NRXN3: variants seen among roughly 807,000 people sequenced by gnomAD.
NRXN3 encodes neurexin III.
Under a neutral mutation model 137.6 loss-of-function variants are expected in NRXN3, and 32 were observed. The ratio of observed to expected loss-of-function variants is 0.23; its 90% CI spans 0.18 to 0.31. NRXN3 has a LOEUF of 0.31. Ranked by LOEUF, NRXN3 falls within the 10% of genes least tolerant of loss-of-function variation. NRXN3 has a pLI of 1.00. For synonymous variants in NRXN3, 798 were observed against 784.5 expected, an observed-to-expected ratio of 1.02 and a Z score of -0.29; for missense variants, 1,574 against 2,062.5, an observed-to-expected ratio of 0.76 and a Z score of 4.59.
intron 8 of NRXN3, among the ~76,000 whole-genome samples, chr14:78,765,277 C>A (rs917234577): frequency 7.9e-5 from 12 of 152,262 alleles, no homozygotes; most frequent in African/African-American, 2.9e-4. Context: ...TGTCAGCCTC[C>A]TGAGTAGCTA....
chr14:78,524,322 A>T (rs2096341325), intron 4 of NRXN3, among the ~76,000 whole-genome samples: 1 of 152,214 alleles, frequency 6.6e-6, no homozygotes, highest in Non-Finnish European at 1.5e-5. Context: ...GATCCGCTGG[A>T]GGAAAGTGCT....
intron 15 of NRXN3, among the ~76,000 whole-genome samples, chr14:79,158,218 C>T (rs1219471585): frequency 2.0e-5 from 3 of 151,774 alleles, no homozygotes. Flanking sequence ...AAAATCAAAA[C>T]CAATGTTCAC....
chr14:78,234,666 T>C (rs1290212812), intron 1 of NRXN3, among the ~76,000 whole-genome samples: 1 of 152,222 alleles, frequency 6.6e-6, no homozygotes, highest in East Asian at 1.9e-4. Flanking sequence ...AGTCTGCTTC[T>C]CACATTTGGT....
chr14:78,207,700 C>T (rs1201533592), intron 1 of NRXN3, among the ~76,000 whole-genome samples: 1 of 152,200 alleles, frequency 6.6e-6, no homozygotes, highest in Admixed American at 6.5e-5. Context: ...CCCTCTTTCC[C>T]CACCACGTTA....
chr14:78,413,378 T>A (rs185265293), intron 4 of NRXN3, among the ~76,000 whole-genome samples: 1 of 152,294 alleles, frequency 6.6e-6, no homozygotes, highest in Admixed American at 6.5e-5. Flanking sequence ...CTCCACCTAC[T>A]GGGTTCAAGC....
intron 3 of NRXN3, among the ~76,000 whole-genome samples, chr14:78,290,607 C>G (rs1292280963): frequency 6.6e-6 from 1 of 152,156 alleles, no homozygotes; most frequent in African/African-American, 2.4e-5. Context: ...CCACTGCACT[C>G]TAGCCTGGGC....
At chr14:79,704,162 T>A (rs1442097727) in intron 19 of NRXN3, among the ~76,000 whole-genome samples, 2 of 152,148 alleles carry the variant, frequency 1.3e-5, no homozygotes, top group African/African-American at 4.8e-5. Context: ...TCTATTAGGT[T>A]GAAGTGTATG....
chr14:78,800,174 G>A (rs2098834340), intron 8 of NRXN3, among the ~76,000 whole-genome samples: 1 of 152,138 alleles, frequency 6.6e-6, no homozygotes, highest in Non-Finnish European at 1.5e-5. Context: ...TGTGCTCCAG[G>A]CATAGCTCTA....
chr14:79,237,230 A>G (rs991719690), intron 15 of NRXN3, among the ~76,000 whole-genome samples: 2 of 152,172 alleles, frequency 1.3e-5, no homozygotes, highest in Non-Finnish European at 2.9e-5. Flanking sequence ...GATAAGAGGC[A>G]GACACATGTT....
chr14:79,382,841 A>G (rs1472918406), intron 15 of NRXN3, among the ~76,000 whole-genome samples: 1 of 152,150 alleles, frequency 6.6e-6, no homozygotes, highest in Non-Finnish European at 1.5e-5. Context: ...TTCCAACTTT[A>G]CGATTGACTT....
intron 10 of NRXN3, among the ~76,000 whole-genome samples, chr14:78,905,197 G>A (rs1357517055): frequency 6.6e-6 from 1 of 151,988 alleles, no homozygotes. Flanking sequence ...TGCCCAGCCT[G>A]TGTTCTACAG....
At chr14:79,227,397 A>G (rs983737763) in intron 15 of NRXN3, among the ~76,000 whole-genome samples, 1 of 151,926 alleles carries the variant, frequency 6.6e-6, no homozygotes, top group Non-Finnish European at 1.5e-5. Flanking sequence ...GTGTTTTCTT[A>G]CCTTGTCATG....
chr14:78,800,134 T>C lies in NRXN3; in HGVS notation c.2045-3486T>C, dbSNP rs535746899. On this transcript the variant is annotated intron_variant, in intron 8 of 20. Coordinates refer to ENST00000335750, the MANE Select transcript of NRXN3 (RefSeq NM_001330195.2). Reference sequence around the variant, plus strand: ...CAAGAACTTCCATCATGAAGCATTATGGATGTGCTTTGGTGCTTGGAAGCA... The same window carrying C: ...CAAGAACTTCCATCATGAAGCATTACGGATGTGCTTTGGTGCTTGGAAGCA... Among the ~76,000 whole-genome samples, 7 of 152,326 alleles carry C rather than the reference T, an allele frequency of 4.6e-5. No homozygotes were observed. In the East Asian group the frequency reaches 1.2e-3, roughly 25 times the overall value.
At chr14:79,585,694 C>A (rs221422) in intron 16 of NRXN3, among the ~76,000 whole-genome samples, 80,966 of 113,380 alleles carry the variant, frequency 0.71, 26,857 homozygotes, top group East Asian at 0.92. Context: ...AAAAAAAAAA[C>A]AAAAAAAAAA....
intron 10 of NRXN3, among the ~76,000 whole-genome samples, chr14:78,939,097 G>A (rs534422560): frequency 2.0e-5 from 3 of 151,698 alleles, no homozygotes; most frequent in Admixed American, 6.6e-5. Flanking sequence ...CGCCCGCCTC[G>A]GCCTCCCAAA....
intron 6 of NRXN3, among the ~76,000 whole-genome samples, chr14:78,670,208 G>A (rs774128680): frequency 3.4e-4 from 51 of 152,142 alleles, no homozygotes; most frequent in African/African-American, 3.6e-4. Flanking sequence ...TTTTATGGCC[G>A]CATAGTATTC....
At chr14:79,779,605 T>C (rs555866703) in intron 19 of NRXN3, among the ~76,000 whole-genome samples, 2 of 152,154 alleles carry the variant, frequency 1.3e-5, no homozygotes, top group Non-Finnish European at 2.9e-5. Context: ...CAAAAAACTT[T>C]TCTCTGAGGA....
intron 16 of NRXN3, among the ~76,000 whole-genome samples, chr14:79,505,079 G>A (rs2096864229): frequency 6.6e-6 from 1 of 152,082 alleles, no homozygotes; most frequent in Non-Finnish European, 1.5e-5. Context: ...GCCAGGTGTG[G>A]TGGTGCATGC....
chr14:79,495,968 A>C (rs1467908834), intron 16 of NRXN3, among the ~76,000 whole-genome samples: 4 of 151,802 alleles, frequency 2.6e-5, no homozygotes, highest in Non-Finnish European at 5.9e-5. Context: ...AACAAAAAAC[A>C]AAAAAACAAA....
Sources: allele counts gnomAD v4.1 joint callset (sites outside exome capture counted in the v4.1 genomes callset), GRCh38; gene constraint gnomAD v4.1.1; transcripts MANE v1.5; gene names NCBI Gene and HGNC (gene_info 2026-07-23, HGNC 2026-07-21).